Variants in HDAC3 observed in about 807,000 individuals in gnomAD.
HDAC3 encodes SMAP45.
A neutral mutation model predicts 62.3 loss-of-function variants in HDAC3; 21 were observed. That is an observed-to-expected ratio of 0.34 (90% CI 0.24 to 0.49). The LOEUF (loss-of-function observed/expected upper bound fraction) is 0.49. HDAC3 is among the 20% of genes least tolerant of loss of function. HDAC3 has a pLI of 0.99. For synonymous variants in HDAC3, 198 were observed against 206.5 expected (o/e 0.96, Z 0.35); for missense variants, 270 against 556.9 (o/e 0.48, Z 5.19).
Position 141,629,153 on chromosome 5 carries a change from A to G in HDAC3, c.610+20T>C. The G allele has an allele frequency of 6.2e-7, 1 of 1,613,732 alleles. No homozygotes were observed. The highest frequency in any genetic ancestry group is 1.7e-5 in the Admixed American group (1 of 59,990). The stretch of plus-strand genomic sequence containing the variant: ...AAGAGCTGAAGGGTGCAAAGGGGAA[A>G]GTAATCCCTATTCCCATACCTGTGC... On this transcript the variant is annotated intron_variant, in intron 7 of 14. Coordinates refer to ENST00000305264, the MANE Select transcript of HDAC3 (RefSeq NM_003883.4). The surrounding 1 kb of genome is among the most constrained non-coding windows in gnomAD (Gnocchi z 5.3).
intron 14 of HDAC3, among the ~76,000 whole-genome samples, chr5:141,623,131 A>G (rs920264885): frequency 6.6e-6 from 1 of 152,160 alleles, no homozygotes; most frequent in African/African-American, 2.4e-5. Context: ...CTCAAAAAAA[A>G]GAAAGAAAGA....
intron 10 of HDAC3, among the ~76,000 whole-genome samples, chr5:141,627,123 G>A (rs1311965407): frequency 6.6e-6 from 1 of 152,168 alleles, no homozygotes; most frequent in Non-Finnish European, 1.5e-5. Context: ...TCAACAGACT[G>A]AAGTCCAGTG....
chr5:141,624,407 A>C (rs13171204), intron 14 of HDAC3, among the ~76,000 whole-genome samples: 1 of 141,324 alleles, frequency 7.1e-6, no homozygotes, highest in African/African-American at 2.6e-5. Flanking sequence ...AAAAAAAAAA[A>C]TTAGCCAGGT....
chr5:141,630,113 G>C lies in HDAC3; in HGVS notation c.294C>G (p.Pro98=). Residue 98 remains proline, a synonymous_variant, in exon 4 of 15, where the codon CCC becomes CCG. Transcript: ENST00000305264. ...FNVGDDCPVF[P]GLFEFCSRYT... The stretch of plus-strand genomic sequence containing the variant: ...AACGCGAGCAGAACTCAAAGAGCCC[G>C]GGAAACACTGGGCTGCAGGGAAGAG... 1 of 1,613,956 alleles carries C rather than the reference G, an allele frequency of 6.2e-7. No individual in the cohort carries two copies. Among genetic ancestry groups the C allele is most frequent in the Non-Finnish European group, 8.5e-7 (1 of 1,180,004 alleles).
intron 14 of HDAC3, among the ~76,000 whole-genome samples, chr5:141,623,009 G>A (rs192266215): frequency 6.6e-6 from 1 of 152,144 alleles, no homozygotes; most frequent in African/African-American, 2.4e-5. Flanking sequence ...CTGTAATCCA[G>A]CTACTTGGGA....
chr5:141,629,170 T>A lies in HDAC3; in HGVS notation c.610+3A>T. 6.2e-7 allele frequency: 1 copy of A among 1,614,136 alleles called. No homozygotes were observed. On this transcript the variant is annotated splice_donor_region_variant and intron_variant, in intron 7 of 14. Transcript: ENST00000305264. This position sits in a 1 kb window ranked among gnomAD's most constrained non-coding sequence, Gnocchi z 5.3. ...AAGGGGAAAGTAATCCCTATTCCCATACCTGTGCCAGGGAAGAAGTAATTT... is the reference window on the plus strand; with the variant it reads ...AAGGGGAAAGTAATCCCTATTCCCAAACCTGTGCCAGGGAAGAAGTAATTT...
intron 14 of HDAC3, among the ~76,000 whole-genome samples, chr5:141,623,050 G>A (rs9632446): frequency 0.038 from 5,815 of 152,170 alleles, 138 homozygotes; most frequent in South Asian, 0.075. Flanking sequence ...TTGAACCCGG[G>A]AGGCAGAGGT....
At chr5:141,635,270 A>G (rs1385836707) in intron 2 of HDAC3, 1 of 235,762 alleles carries the variant, frequency 4.2e-6, no homozygotes, top group Non-Finnish European at 8.2e-6. Context: ...TCCTCCCCCA[A>G]GCTCTGATTC....
In HDAC3 at chr5:141,628,484, A is replaced by G. The variant is rs1453053814; in HGVS notation, c.691+75T>C. The stretch of plus-strand genomic sequence containing the variant: ...AGGACAACTGGCCCAACAGCAGACA[A>G]TACCAGGCAGAAGAGGTTATTTCAA... On this transcript the variant is annotated intron_variant, in intron 8 of 14. Coordinates refer to ENST00000305264, the MANE Select transcript of HDAC3 (RefSeq NM_003883.4). This position sits in a 1 kb window ranked among gnomAD's most constrained non-coding sequence, Gnocchi z 4.7. 1 of 1,230,594 alleles carries G rather than the reference A, an allele frequency of 8.1e-7. No individual in the cohort carries two copies. The highest frequency in any genetic ancestry group is 1.2e-6 in the Non-Finnish European group (1 of 833,072). 76.2% of individuals were successfully genotyped at this position (1,230,594 alleles called of 1,614,324 possible).
intron 3 of HDAC3, among the ~76,000 whole-genome samples, chr5:141,633,239 TAA>T (rs150427019): frequency 0.011 from 1,633 of 152,278 alleles, 41 homozygotes; most frequent in African/African-American, 0.038. Flanking sequence ...AGCTACAAAT[TAA>T]AAGTCTTAAG....
intron 14 of HDAC3, 73 bp from the exon 15 acceptor site, chr5:141,621,610 C>G (rs1289133321): frequency 2.3e-6 from 3 of 1,313,594 alleles, no homozygotes; most frequent in Non-Finnish European, 3.3e-6. Flanking sequence ...TTTTCCAAAG[C>G]CATTTCTCAG....
rs369534250 is a variant in HDAC3 at position 141,628,226 on chromosome 5, G to A, written c.692-39C>T. 1 of 1,552,050 alleles carries A rather than the reference G, an allele frequency of 6.4e-7. No homozygotes were observed. The highest frequency in any genetic ancestry group is 8.9e-7 in the Non-Finnish European group (1 of 1,123,742). On this transcript the variant is annotated intron_variant, in intron 8 of 14. Coordinates refer to ENST00000305264, the MANE Select transcript of HDAC3 (RefSeq NM_003883.4). This position sits in a 1 kb window ranked among gnomAD's most constrained non-coding sequence, Gnocchi z 4.7. ...AAAGATGGGCACCTGGCACCCCAAGGGGATGGGGAGACAGGGAACAAAAGG... is the reference window on the plus strand; with the variant it reads ...AAAGATGGGCACCTGGCACCCCAAGAGGATGGGGAGACAGGGAACAAAAGG...
At chr5:141,621,969 C>T (rs75007903) in intron 14 of HDAC3, among the ~76,000 whole-genome samples, 7,110 of 152,216 alleles carry the variant, frequency 0.047, 183 homozygotes, top group Middle Eastern at 0.082. Flanking sequence ...CAGGCAAAGA[C>T]TTCAGGAAGG....
chr5:141,626,241 G>A lies in HDAC3; in HGVS notation c.873C>T (p.Leu291=), dbSNP rs748194002. The change falls in exon 11 of 15, where the codon CTC becomes CTT. Residue 291 remains leucine, a synonymous_variant. Transcript: ENST00000305264. The surrounding 1 kb of genome is among the most constrained non-coding windows in gnomAD (Gnocchi z 4.6). Reference sequence around the variant, plus strand: ...CAGTATAACCACCACCACCCAGCACGAGTAGAGGGATATTGAAGCTCTTGA... The same window carrying A: ...CAGTATAACCACCACCACCCAGCACAAGTAGAGGGATATTGAAGCTCTTGA... ...EYVKSFNIPL[L]VLGGGGYTVR... is the part of the protein sequence containing the mutation. 4.2e-5 allele frequency: 68 copies of A among 1,614,012 alleles called. No individual in the cohort carries two copies. The highest frequency in any genetic ancestry group is 3.3e-4 in the Admixed American group (20 of 59,988).
Position 141,636,844 on chromosome 5 carries a change from G to C in HDAC3, c.-54C>G, listed in dbSNP as rs1417020004. The C allele has an allele frequency of 7.3e-6, 10 of 1,374,282 alleles. No individual in the cohort carries two copies. In the African/African-American group the frequency reaches 1.2e-4, roughly 17 times the overall value. The allele number at this position is 1,374,282 out of a possible 1,614,324, so 85.1% of individuals were successfully genotyped here. A position where few individuals can be genotyped will look rare whatever the true frequency, so the allele number is the denominator to read the frequency against. On this transcript the variant is annotated 5_prime_UTR_variant, in exon 1 of 15. Coordinates refer to ENST00000305264, the MANE Select transcript of HDAC3 (RefSeq NM_003883.4). ...CCGCCGCCCGCCGCCCGCGGCCGCC[G>C]CCAGCCCCTCCCCGGCCGTGCGTGC...
intron 14 of HDAC3, among the ~76,000 whole-genome samples, chr5:141,624,372 CAAAAAA>C (rs58610895): frequency 2.3e-3 from 50 of 22,088 alleles, no homozygotes; most frequent in African/African-American, 6.5e-3. Context: ...CCGTCTCTAC[CAAAAAA>C]AAAAAAAAAA....
At chr5:141,623,419 G>A (rs2099903972) in intron 14 of HDAC3, among the ~76,000 whole-genome samples, 1 of 152,138 alleles carries the variant, frequency 6.6e-6, no homozygotes, top group Non-Finnish European at 1.5e-5. Flanking sequence ...AGAGGCCTGA[G>A]GCTTCTGCTG....
Position 141,626,359 on chromosome 5 carries a change from A to G in HDAC3, c.831-76T>C. On this transcript the variant is annotated intron_variant, in intron 10 of 14. Transcript: ENST00000305264. This position sits in a 1 kb window ranked among gnomAD's most constrained non-coding sequence, Gnocchi z 4.6. ...GTAAATACCTTTAGGTATTGCCTGAAAGGAGCACAAGAAAACTATAAATGT... is the reference window on the plus strand; with the variant it reads ...GTAAATACCTTTAGGTATTGCCTGAGAGGAGCACAAGAAAACTATAAATGT... 1.0e-6 allele frequency: 1 copy of G among 995,856 alleles called. No individual in the cohort carries two copies. 61.7% of individuals were successfully genotyped at this position (995,856 alleles called of 1,614,324 possible). A position where few individuals can be genotyped will look rare whatever the true frequency, so the allele number is the denominator to read the frequency against.
At chr5:141,622,691 G>A (rs533631481) in intron 14 of HDAC3, among the ~76,000 whole-genome samples, 1 of 152,194 alleles carries the variant, frequency 6.6e-6, no homozygotes, top group African/African-American at 2.4e-5. Flanking sequence ...ACTAAGCCAG[G>A]AAAGGCCTTA....
Sources: allele counts gnomAD v4.1 joint callset (sites outside exome capture counted in the v4.1 genomes callset), GRCh38; gene constraint gnomAD v4.1.1; non-coding constraint Gnocchi (gnomAD v3.1); transcripts MANE v1.5; gene names NCBI Gene and HGNC (gene_info 2026-07-23, HGNC 2026-07-21).